The following MYZAP variants were observed in gnomAD, a reference collection of about 807,000 sequenced individuals.
MYZAP encodes myocardial zonula adherens protein.
MYZAP carries 66 observed loss-of-function variants against 69.4 expected under a neutral mutation model. The ratio of observed to expected loss-of-function variants is 0.95; its 90% CI spans 0.78 to 1.17. The LOEUF (loss-of-function observed/expected upper bound fraction) is 1.17, where lower values mean the gene tolerates loss of function less well. Among genes scored for constraint, MYZAP ranks in the 50% most tolerant of loss-of-function variants. The pLI, the probability that MYZAP is intolerant of heterozygous loss-of-function variation, is 0.00. For synonymous variants in MYZAP, 256 were observed against 205.9 expected, an observed-to-expected ratio of 1.24 and a Z score of -2.09; for missense variants, 611 against 556.2, an observed-to-expected ratio of 1.10 and a Z score of -0.99.
chr15:57,607,359 C>G (rs2140344718), intron 2 of MYZAP, among the ~76,000 whole-genome samples: 1 of 152,214 alleles, frequency 6.6e-6, no homozygotes, highest in South Asian at 2.1e-4. Context: ...AGGAAGGAGC[C>G]TCGTGTGTTT....
chr15:57,677,816 A>G (rs1457668907), intron 12 of MYZAP, among the ~76,000 whole-genome samples: 3 of 152,168 alleles, frequency 2.0e-5, no homozygotes, highest in Admixed American at 2.0e-4. Flanking sequence ...TCATCTCTCT[A>G]AAGCTTCAAC....
At chr15:57,600,580 G>A (rs2034346362) in intron 1 of MYZAP, among the ~76,000 whole-genome samples, 1 of 152,184 alleles carries the variant, frequency 6.6e-6, no homozygotes, top group South Asian at 2.1e-4. Flanking sequence ...ACTTTTGAGT[G>A]ATTGGACCCA....
Position 57,639,517 on chromosome 15 carries a change from A to G in MYZAP, c.1091A>G (p.Gln364Arg). Reference sequence around the variant, plus strand: ...CTAGATGACATGGTGCATTGCCAGCAGAAGAAAGTCAAGCAGATGGTCGAG... The same window carrying G: ...CTAGATGACATGGTGCATTGCCAGCGGAAGAAAGTCAAGCAGATGGTCGAG... ...RHLDDMVHCQ[Q>R]KKVKQMVEEI... The change falls in exon 10 of 13, where the codon CAG (glutamine) becomes CGG (arginine). Residue 364 changes from glutamine (Q) to arginine (R), a missense_variant. Physicochemically the swap from Gln to Arg is conservative, Grantham distance 43. Coordinates refer to ENST00000267853, the MANE Select transcript of MYZAP (RefSeq NM_001018100.5). The G allele has an allele frequency of 6.2e-7, 1 of 1,614,054 alleles. No homozygotes were observed. Among genetic ancestry groups the G allele is most frequent in the Non-Finnish European group, 8.5e-7 (1 of 1,179,972 alleles).
chr15:57,632,656 G>A (rs2036577884), intron 7 of MYZAP, 97 bp downstream of exon 7: 2 of 1,536,522 alleles, frequency 1.3e-6, no homozygotes, highest in Admixed American at 3.8e-5. Flanking sequence ...TTAGAGGTGG[G>A]TCAGTAGACT....
intron 12 of MYZAP, among the ~76,000 whole-genome samples, chr15:57,678,778 C>G (rs1595945720): frequency 6.6e-6 from 1 of 152,088 alleles, no homozygotes; most frequent in South Asian, 2.1e-4. Context: ...AGCATGGCCT[C>G]TCCTACTCAC....
At chr15:57,635,954 G>A (rs1315253110) in intron 8 of MYZAP, among the ~76,000 whole-genome samples, 1 of 152,140 alleles carries the variant, frequency 6.6e-6, no homozygotes, top group African/African-American at 2.4e-5. Flanking sequence ...GGACCCTTCT[G>A]GGGAACAGAT....
At chr15:57,651,776 T>G (rs1004698083) in intron 10 of MYZAP, among the ~76,000 whole-genome samples, 1 of 152,226 alleles carries the variant, frequency 6.6e-6, no homozygotes, top group African/African-American at 2.4e-5. Flanking sequence ...GTAGCTTGCA[T>G]GCTCCTCCTT....
At chr15:57,624,494 C>T (rs2036006432) in intron 4 of MYZAP, among the ~76,000 whole-genome samples, 1 of 152,208 alleles carries the variant, frequency 6.6e-6, no homozygotes, top group Non-Finnish European at 1.5e-5. Context: ...CCAGCCCATT[C>T]CCACTGGCAT....
At chr15:57,619,378 C>T (rs569023620) in intron 3 of MYZAP, among the ~76,000 whole-genome samples, 4 of 152,290 alleles carry the variant, frequency 2.6e-5, no homozygotes, top group South Asian at 2.1e-4. Context: ...TTCGAGACAG[C>T]GTCTCACTCT....
intron 10 of MYZAP, among the ~76,000 whole-genome samples, chr15:57,659,023 A>G (rs1331347414): frequency 2.0e-5 from 3 of 152,186 alleles, no homozygotes; most frequent in African/African-American, 7.2e-5. Flanking sequence ...CTTTCCAAGT[A>G]AGGAGTTGAT....
chr15:57,616,821 G>GTTTTTTT (rs1595870389), intron 2 of MYZAP, among the ~76,000 whole-genome samples: 3 of 53,318 alleles, frequency 5.6e-5, no homozygotes, highest in Admixed American at 2.4e-4. Context: ...AAAAAAAAGT[G>GTTTTTTT]CTTTTTTTTT....
intron 7 of MYZAP, among the ~76,000 whole-genome samples, 187 bp downstream of exon 7, chr15:57,632,746 C>T (rs1334011780): frequency 1.3e-5 from 2 of 152,150 alleles, no homozygotes; most frequent in East Asian, 3.8e-4. Context: ...TTTATTCATC[C>T]CCGTCTCTAC....
intron 9 of MYZAP, 85 bp from the exon 10 acceptor site, chr15:57,639,355 A>G: frequency 7.0e-7 from 1 of 1,435,178 alleles, no homozygotes; most frequent in South Asian, 1.3e-5. Flanking sequence ...CGCTCTTGGC[A>G]ATATTCTTTA....
intron 6 of MYZAP, 106 bp downstream of exon 6, chr15:57,629,960 T>G: frequency 1.5e-6 from 2 of 1,293,022 alleles, no homozygotes; most frequent in Non-Finnish European, 2.1e-6. Context: ...CTCCATTCTC[T>G]TCTTCATTGG....
rs528997912 is a variant in MYZAP at position 57,620,238 on chromosome 15, CT to C, written c.319-1368del. ...GGAAGTCTGGGGGTCTTGACTCTCC[CT>C]TCCCCCAAATCTCCACCAATATCCA... On this transcript the variant is annotated intron_variant, in intron 3 of 12. Transcript: ENST00000267853. Among the ~76,000 whole-genome samples, 133 of 152,334 alleles carry C rather than the reference CT, an allele frequency of 8.7e-4. 1 individual carries two copies. Among genetic ancestry groups the C allele is most frequent in the African/African-American group, 2.9e-3 (119 of 41,572 alleles).
chr15:57,620,347 C>T (rs1485287026), intron 3 of MYZAP, among the ~76,000 whole-genome samples: 11 of 152,186 alleles, frequency 7.2e-5, no homozygotes, highest in African/African-American at 2.7e-4. Context: ...TAAACACTTA[C>T]ATTCTAACCA....
rs1595886756 is a variant in MYZAP, at chr15:57,629,767, G to A, written c.591G>A (p.Gln197=). 13 of 1,614,112 alleles carry A rather than the reference G, an allele frequency of 8.1e-6. No individual in the cohort carries two copies. Among genetic ancestry groups the A allele is most frequent in the Non-Finnish European group, 1.0e-5 (12 of 1,180,000 alleles). ...NIKDQIRNLQ[Q]TYEASMDKLR... ...AGGATCAAATCAGAAATCTGCAGCA[G>A]ACGTATGAAGCATCCATGGACAAGC... The change falls in exon 6 of 13, where the codon CAG becomes CAA. Residue 197 remains glutamine, a synonymous_variant. Transcript: ENST00000267853.
At chr15:57,654,846 C>T (rs2037929810) in intron 10 of MYZAP, among the ~76,000 whole-genome samples, 2 of 151,550 alleles carry the variant, frequency 1.3e-5, no homozygotes, top group Admixed American at 6.6e-5. Flanking sequence ...GTCTGGTTGA[C>T]GTATAAGCTC....
chr15:57,604,300 C>T lies in MYZAP; in HGVS notation c.107C>T (p.Pro36Leu), dbSNP rs371899236. 24 of 1,614,094 alleles carry T rather than the reference C, an allele frequency of 1.5e-5. No individual in the cohort carries two copies. The highest frequency in any genetic ancestry group is 2.0e-5 in the Non-Finnish European group (24 of 1,180,038). ...GTTTGCAGACTACGGCTGACCGTAC[C>T]TCCTGAGAGTCCAGTTCCTGAGCAA... ...ANVCRLRLTV[P>L]PESPVPEQCE... Residue 36 changes from proline to leucine, a missense_variant, in exon 2 of 13, where the codon CCT (proline) becomes CTT (leucine). Transcript: ENST00000267853.
Sources: gnomAD v4.1 joint callset for allele counts (sites outside exome capture counted in the v4.1 genomes callset) on GRCh38, gnomAD v4.1.1 for gene constraint, MANE v1.5 for transcripts, NCBI Gene and HGNC (gene_info 2026-07-23, HGNC 2026-07-21) for gene names.